GET1: variants seen among roughly 807,000 people sequenced by gnomAD.
GET1 encodes congenital heart disease 5 protein.
GET1 carries 20 observed loss-of-function variants against 22.6 expected under a neutral mutation model. That is an observed-to-expected ratio of 0.89 (90% CI 0.62 to 1.29). The LOEUF (loss-of-function observed/expected upper bound fraction) is 1.29, where lower values mean the gene tolerates loss of function less well. GET1 is among the 50% of genes most tolerant of loss of function. The pLI is 0.00. For synonymous variants in GET1, 92 were observed against 83.8 expected (o/e 1.10, Z -0.53); for missense variants, 209 against 219.9 (o/e 0.95, Z 0.31).
chr21:39,410,629 C>T (rs2039925795), downstream of GET1, among the ~76,000 whole-genome samples: 1 of 152,112 alleles, frequency 6.6e-6, no homozygotes, highest in Non-Finnish European at 1.5e-5. Context: ...GAGGACAAGG[C>T]TGTCCTTTGT....
At chr21:39,389,597 C>T (rs1601615995) in intron 1 of GET1, among the ~76,000 whole-genome samples, 1 of 152,324 alleles carries the variant, frequency 6.6e-6, no homozygotes, top group Non-Finnish European at 1.5e-5. Context: ...CCCACCTGGG[C>T]TCCGACCCTG....
intron 1 of GET1, chr21:39,381,056 C>T (rs931995402): frequency 1.3e-5 from 9 of 677,258 alleles, no homozygotes; most frequent in East Asian, 1.3e-4. Context: ...CTCACGGCTG[C>T]TGGGAGAGGC....
chr21:39,403,150 C>T (rs904914382), intron 4 of GET1, among the ~76,000 whole-genome samples: 3 of 152,122 alleles, frequency 2.0e-5, no homozygotes, highest in African/African-American at 7.2e-5. Context: ...GGAATTGAGG[C>T]CACTATGTCA....
chr21:39,425,657 G>T (rs371734350), intron 1 of GET1, among the ~76,000 whole-genome samples: 1 of 152,150 alleles, frequency 6.6e-6, no homozygotes, highest in East Asian at 1.9e-4. Context: ...GACCCAGGCC[G>T]TATGGATCAG....
At chr21:39,413,817 T>C (rs2040528639) in intron 1 of GET1, 1 of 152,194 alleles carries the variant, frequency 6.6e-6, no homozygotes, top group Non-Finnish European at 1.5e-5. Context: ...CAGGGACACA[T>C]TTTGATTACC....
chr21:39,383,605 GTCTC>G (rs1296239150), intron 1 of GET1, among the ~76,000 whole-genome samples: 3 of 147,064 alleles, frequency 2.0e-5, no homozygotes, highest in African/African-American at 5.1e-5. Context: ...TTGAGAGGGA[GTCTC>G]TCTCTGTCAC....
At chr21:39,423,376 G>C in intron 1 of GET1, 1 of 1,612,066 alleles carries the variant, frequency 6.2e-7, no homozygotes, top group Non-Finnish European at 8.5e-7. Flanking sequence ...ATGAAGCCTT[G>C]CTGAGAGTAT....
At chr21:39,406,119 T>G in exon 5 of GET1, 3 of 1,614,244 alleles carry the variant, frequency 1.9e-6, no homozygotes, top group South Asian at 1.1e-5. Context: ...TTTTCTTATC[T>G]CTGAAAGTTG....
intron 1 of GET1, chr21:39,380,730 G>A (rs2037504189): frequency 6.5e-6 from 8 of 1,222,204 alleles, no homozygotes; most frequent in Admixed American, 3.8e-5. Context: ...TCTTCTGGCT[G>A]TGGGTGGCGG....
At chr21:39,421,286 A>G (rs4468898) in intron 1 of GET1, among the ~76,000 whole-genome samples, 152,184 of 152,184 alleles carry the variant, frequency 1, 76,092 homozygotes, top group Non-Finnish European at 1. Flanking sequence ...ATTTTTAGTA[A>G]AGACAGGGTT....
chr21:39,390,434 G>A (rs938944267), intron 1 of GET1, among the ~76,000 whole-genome samples: 17 of 152,192 alleles, frequency 1.1e-4, no homozygotes, highest in African/African-American at 4.1e-4. Context: ...GTGTATGTGG[G>A]AGTTTAAGGA....
chr21:39,390,191 A>C (rs189040716), intron 1 of GET1, among the ~76,000 whole-genome samples: 9 of 152,178 alleles, frequency 5.9e-5, no homozygotes, highest in African/African-American at 2.2e-4. Flanking sequence ...GGCCAAACCC[A>C]TGCTGGAGTC....
chr21:39,380,389 G>T lies in GET1; in HGVS notation c.5G>T (p.Ser2Ile). ...GCACAGCCAGGAGCGTCCGGGATGA[G>T]CTCAGCCGCGGCCGACCACTGGGCG... M[S>I]SAAADHWAWL... The change falls in exon 1 of 5, where the codon AGC becomes ATC. Residue 2 changes from serine (S) to isoleucine (I), a missense_variant. Transcript: ENST00000649170. 1.2e-6 allele frequency: 2 copies of T among 1,605,438 alleles called. No homozygotes were observed. The highest frequency in any genetic ancestry group is 2.2e-5 in the East Asian group (1 of 44,638).
At chr21:39,389,933 A>G (rs1016731395) in intron 1 of GET1, among the ~76,000 whole-genome samples, 1 of 152,236 alleles carries the variant, frequency 6.6e-6, no homozygotes, top group Non-Finnish European at 1.5e-5. Flanking sequence ...TTTTCATTTC[A>G]CAATTGCAAT....
chr21:39,420,862 A>T (rs757178754), intron 1 of GET1: 1 of 1,578,258 alleles, frequency 6.3e-7, no homozygotes, highest in African/African-American at 1.4e-5. Flanking sequence ...AGTATATATT[A>T]TAACTATTCT....
intron 1 of GET1, chr21:39,380,901 CCA>C: frequency 1.0e-6 from 1 of 990,660 alleles, no homozygotes; most frequent in Non-Finnish European, 1.2e-6. Context: ...ATCCTCGCGT[CCA>C]GGAGCCCACA....
chr21:39,423,626 G>C lies in GET1; in HGVS notation c.*24-4606G>C, dbSNP rs533846833. On this transcript the variant is annotated intron_variant, in intron 1 of 1. Transcript: ENST00000478273. Reference sequence around the variant, plus strand: ...CACACAAGCGTAAGTGTAACTAGAAGGGGACAAAACTATCATTTAATGAAT... The same window carrying C: ...CACACAAGCGTAAGTGTAACTAGAACGGGACAAAACTATCATTTAATGAAT... 16 of 664,302 alleles carry C rather than the reference G, an allele frequency of 2.4e-5. No homozygotes were observed. The East Asian group carries it at 4.7e-4, about 19-fold the overall frequency. 41.2% of individuals were successfully genotyped at this position (664,302 alleles called of 1,614,324 possible). A position where few individuals can be genotyped will look rare whatever the true frequency, so the allele number is the denominator to read the frequency against.
At chr21:39,384,402 A>G (rs188818285) in intron 1 of GET1, among the ~76,000 whole-genome samples, 9 of 151,720 alleles carry the variant, frequency 5.9e-5, no homozygotes, top group African/African-American at 1.7e-4. Context: ...GATTACATGC[A>G]TGCACCACCA....
intron 1 of GET1, among the ~76,000 whole-genome samples, chr21:39,425,206 T>A (rs2074461168): frequency 6.6e-6 from 1 of 152,212 alleles, no homozygotes; most frequent in Admixed American, 6.5e-5. Context: ...GTGGCCAGTG[T>A]CACCCAAGTC....
Sources: allele counts gnomAD v4.1 joint callset (sites outside exome capture counted in the v4.1 genomes callset), GRCh38; gene constraint gnomAD v4.1.1; transcripts MANE v1.5; gene names NCBI Gene and HGNC (gene_info 2026-07-23, HGNC 2026-07-21).